Variants in AGBL2 observed in about 807,000 individuals in gnomAD.
AGBL2 encodes cytosolic carboxypeptidase 2.
Under a neutral mutation model 103.0 loss-of-function variants are expected in AGBL2, and 87 were observed. The ratio of observed to expected loss-of-function variants is 0.84; its 90% CI spans 0.71 to 1.01. The LOEUF (loss-of-function observed/expected upper bound fraction) is 1.01. Ranked by LOEUF, AGBL2 falls within the 50% of genes least tolerant of loss-of-function variation. The pLI is 0.00. For missense variants in AGBL2, 904 were observed against 1,023.5 expected (o/e 0.88, Z 1.59); for synonymous variants, 335 against 356.7 (o/e 0.94, Z 0.69).
chr11:47,679,980 T>G lies in AGBL2; in HGVS notation c.2009A>C (p.Gln670Pro). The G allele has an allele frequency of 1.2e-6, 2 of 1,602,200 alleles. No individual in the cohort carries two copies. Among genetic ancestry groups the G allele is most frequent in the Non-Finnish European group, 1.7e-6 (2 of 1,170,440 alleles). ...DTLLDFCDPDQMKFTQCLAEL... is the reference protein window; with the variant it reads ...DTLLDFCDPDPMKFTQCLAEL... ...TTGAAACCCCATTTTTACCTTCATTTGGTCAGGATCACAAAAGTCCAGAAG... is the reference window on the plus strand; with the variant it reads ...TTGAAACCCCATTTTTACCTTCATTGGGTCAGGATCACAAAAGTCCAGAAG... Residue 670 changes from glutamine to proline, a missense_variant, in exon 13 of 19, where the codon CAA becomes CCA. Gln to Pro is a moderately conservative substitution (Grantham distance 76). Transcript: ENST00000525123.
rs570846517 is a variant in AGBL2 at position 47,692,002 on chromosome 11, C to T, written c.848+101G>A. 5.5e-6 allele frequency: 6 copies of T among 1,082,958 alleles called. No individual in the cohort carries two copies. The South Asian group carries it at 7.2e-5, about 13-fold the overall frequency. 67.1% of individuals were successfully genotyped at this position (1,082,958 alleles called of 1,614,324 possible). Reference sequence around the variant, plus strand: ...CTTCATACCCATAACTATTCCCCATCACCTCTTTCTTTTTTGCAAGTACTT... The same window carrying T: ...CTTCATACCCATAACTATTCCCCATTACCTCTTTCTTTTTTGCAAGTACTT... On this transcript the variant is annotated intron_variant, in intron 9 of 18. Coordinates refer to ENST00000525123, the MANE Select transcript of AGBL2 (RefSeq NM_024783.4).
chr11:47,697,740 GT>G (rs2097481566), intron 8 of AGBL2, among the ~76,000 whole-genome samples: 1 of 150,608 alleles, frequency 6.6e-6, no homozygotes, highest in Non-Finnish European at 1.5e-5. Context: ...TAGACACGGA[GT>G]TTTTCCGTGT....
At chr11:47,670,375 C>A (rs1050550900) in intron 14 of AGBL2, among the ~76,000 whole-genome samples, 4 of 152,046 alleles carry the variant, frequency 2.6e-5, no homozygotes, top group Non-Finnish European at 4.4e-5. Context: ...GTCCCAGACA[C>A]TTGGGAGGCT....
At chr11:47,668,604 T>A (rs1247576120) in intron 15 of AGBL2, among the ~76,000 whole-genome samples, 1 of 152,198 alleles carries the variant, frequency 6.6e-6, no homozygotes, top group East Asian at 1.9e-4. Flanking sequence ...ATATTAATGA[T>A]CATTAAATGT....
chr11:47,698,267 G>A (rs1361739631), intron 8 of AGBL2, among the ~76,000 whole-genome samples: 1 of 146,616 alleles, frequency 6.8e-6, no homozygotes, highest in Non-Finnish European at 1.5e-5. Flanking sequence ...CTGCTTCCCA[G>A]GTTCAAGAGA....
At chr11:47,705,951 A>T in intron 4 of AGBL2, 34 bp from the exon 5 acceptor site, 1 of 1,597,052 alleles carries the variant, frequency 6.3e-7, no homozygotes, top group Non-Finnish European at 8.6e-7. Context: ...CCTTGGTGTC[A>T]GGGATCGTTG....
chr11:47,692,909 T>G (rs2097453684), intron 8 of AGBL2, among the ~76,000 whole-genome samples: 1 of 151,396 alleles, frequency 6.6e-6, no homozygotes, highest in Admixed American at 6.6e-5. Context: ...GCCTCTACCT[T>G]TTGTGCTCAA....
intron 12 of AGBL2, among the ~76,000 whole-genome samples, chr11:47,680,796 AAAAC>A (rs1327054984): frequency 6.6e-6 from 1 of 151,922 alleles, no homozygotes; most frequent in Non-Finnish European, 1.5e-5. Flanking sequence ...GAAACAAAAC[AAAAC>A]AAAACAAAAC....
rs753490225 is a variant in AGBL2, at chr11:47,704,603, G to A, written c.526C>T (p.Leu176=). The change falls in exon 7 of 19, where the codon CTG becomes TTG. Residue 176 remains leucine (L), a synonymous_variant. Transcript: ENST00000525123. ...TCAATTGGCCATCTTGGAGCCTGCA[G>A]TGGCCTCTTGGTAGACAAAATGGAA... is the stretch of plus-strand genomic sequence containing the variant. The part of the protein sequence containing the change: ...LFSILSTKRP[L]QAPRWPIECE... 1 of 1,614,068 alleles carries A rather than the reference G, an allele frequency of 6.2e-7. No individual in the cohort carries two copies. The highest frequency in any genetic ancestry group is 1.7e-5 in the Admixed American group (1 of 59,988).
intron 11 of AGBL2, 124 bp downstream of exon 11, chr11:47,685,769 G>T: frequency 9.3e-7 from 1 of 1,075,880 alleles, no homozygotes; most frequent in Non-Finnish European, 1.3e-6. Flanking sequence ...TGAAGTCTAG[G>T]TTGCTCGGAT....
intron 14 of AGBL2, among the ~76,000 whole-genome samples, chr11:47,673,677 C>A (rs2097364385): frequency 6.7e-6 from 1 of 150,316 alleles, no homozygotes; most frequent in Admixed American, 6.7e-5. Context: ...TGTAATAATC[C>A]CAGCTACTCG....
At chr11:47,690,006 C>A in intron 10 of AGBL2, 70 bp downstream of exon 10, 1 of 1,370,504 alleles carries the variant, frequency 7.3e-7, no homozygotes, top group Non-Finnish European at 1.0e-6. Flanking sequence ...CCTCATACCC[C>A]ATCAGGTAGG....
intron 17 of AGBL2, among the ~76,000 whole-genome samples, chr11:47,666,442 A>G (rs1046283722): frequency 1.3e-5 from 2 of 152,098 alleles, no homozygotes; most frequent in African/African-American, 4.8e-5. Flanking sequence ...ATAAAACTAT[A>G]AAGTACTAAA....
chr11:47,709,917 T>G (rs1200427777), intron 4 of AGBL2, among the ~76,000 whole-genome samples: 2 of 151,782 alleles, frequency 1.3e-5, no homozygotes, highest in East Asian at 3.9e-4. Context: ...TGAAACAGAA[T>G]CTCACTTTGT....
chr11:47,694,828 A>T (rs768514191), intron 8 of AGBL2, among the ~76,000 whole-genome samples: 42 of 152,114 alleles, frequency 2.8e-4, no homozygotes, highest in Non-Finnish European at 5.1e-4. Flanking sequence ...AGGCAGGGGA[A>T]TGGGGAATAG....
intron 8 of AGBL2, among the ~76,000 whole-genome samples, chr11:47,693,512 T>TGTCAAAAATGAATTG (rs1358885207): frequency 6.9e-6 from 1 of 145,620 alleles, no homozygotes; most frequent in African/African-American, 2.6e-5. Flanking sequence ...TTGGCACCCT[T>TGTCAAAAATGAATTG]GTCAAAAATG....
At chr11:47,678,491 G>A (rs1446946334) in intron 13 of AGBL2, among the ~76,000 whole-genome samples, 1 of 148,904 alleles carries the variant, frequency 6.7e-6, no homozygotes, top group Non-Finnish European at 1.5e-5. Flanking sequence ...TTGCCACCAC[G>A]CCTGGCTAAA....
intron 11 of AGBL2, 75 bp from the exon 12 acceptor site, chr11:47,682,170 C>G: frequency 2.1e-6 from 3 of 1,416,310 alleles, no homozygotes; most frequent in Non-Finnish European, 2.9e-6. Context: ...TAATATGATA[C>G]AAGAATAATT....
intron 12 of AGBL2, among the ~76,000 whole-genome samples, chr11:47,681,119 A>G (rs1192722152): frequency 6.6e-6 from 1 of 151,900 alleles, no homozygotes; most frequent in Non-Finnish European, 1.5e-5. Context: ...TGCTTGAGCC[A>G]GGGAGTTTGA....
Sources: gnomAD v4.1 joint callset for allele counts (sites outside exome capture counted in the v4.1 genomes callset) on GRCh38, gnomAD v4.1.1 for gene constraint, MANE v1.5 for transcripts, NCBI Gene and HGNC (gene_info 2026-07-23, HGNC 2026-07-21) for gene names.